SLC17A2: variants seen among roughly 807,000 people sequenced by gnomAD.
The protein encoded by SLC17A2 is sodium-dependent phosphate transport protein 3.
Under a neutral mutation model 52.1 loss-of-function variants are expected in SLC17A2, and 38 were observed. That is an observed-to-expected ratio of 0.73 (90% CI 0.56 to 0.96). The LOEUF is 0.96. SLC17A2 is among the 40% of genes least tolerant of loss of function. The pLI is 0.00. For missense variants in SLC17A2, 508 were observed against 583.9 expected (o/e 0.87, Z 1.34); for synonymous variants, 226 against 211.9 (o/e 1.07, Z -0.58).
intron 2 of SLC17A2, among the ~76,000 whole-genome samples, chr6:25,925,198 T>C (rs1422886222): frequency 1.3e-5 from 2 of 152,048 alleles, no homozygotes; most frequent in Non-Finnish European, 2.9e-5. Context: ...ATAGTAGGGA[T>C]TCATACATAG....
intron 1 of SLC17A2, among the ~76,000 whole-genome samples, chr6:25,928,058 A>G (rs1045534883): frequency 6.6e-6 from 1 of 152,160 alleles, no homozygotes; most frequent in African/African-American, 2.4e-5. Context: ...CTCCAATCTT[A>G]TAAACACTGA....
intron 11 of SLC17A2, among the ~76,000 whole-genome samples, chr6:25,913,891 G>A (rs547580995): frequency 5.1e-4 from 78 of 151,752 alleles, no homozygotes; most frequent in South Asian, 1.0e-3. Flanking sequence ...GGTCTTCTGT[G>A]TGACCCTCCT....
rs1561881339 is a variant in SLC17A2 at position 25,923,912 on chromosome 6, C to T, written c.29-6G>A. ...TAATGAACAGAAATCTGGACCTAGA[C>T]AACAACACAGATGTATGTAGTGAGC... On this transcript the variant is annotated splice_region_variant and splice_polypyrimidine_tract_variant and intron_variant, in intron 2 of 11. Transcript: ENST00000377850. The T allele has an allele frequency of 6.2e-7, 1 of 1,612,074 alleles. No homozygotes were observed. The highest frequency in any genetic ancestry group is 1.1e-5 in the South Asian group (1 of 91,054).
intron 10 of SLC17A2, among the ~76,000 whole-genome samples, chr6:25,915,166 T>TAG (rs1766257266): frequency 1.5e-5 from 2 of 130,672 alleles, no homozygotes; most frequent in East Asian, 2.1e-4. Context: ...TATATATATA[T>TAG]ATATATATAT....
At chr6:25,928,452 A>G (rs1219807920) in intron 1 of SLC17A2, among the ~76,000 whole-genome samples, 1 of 152,182 alleles carries the variant, frequency 6.6e-6, no homozygotes, top group Non-Finnish European at 1.5e-5. Flanking sequence ...CTGGAATTGT[A>G]TCACAAACCC....
chr6:25,928,773 C>A (rs1359266403), intron 1 of SLC17A2, among the ~76,000 whole-genome samples: 2 of 152,056 alleles, frequency 1.3e-5, no homozygotes, highest in Non-Finnish European at 2.9e-5. Context: ...TAATTATTAA[C>A]CTATTTGCAA....
At chr6:25,929,344 C>T (rs1390353898) in intron 1 of SLC17A2, among the ~76,000 whole-genome samples, 2 of 152,132 alleles carry the variant, frequency 1.3e-5, no homozygotes, top group Admixed American at 6.5e-5. Context: ...ATGAGACATG[C>T]CTCGTAAATT....
At chr6:25,925,497 A>G (rs940703361) in intron 2 of SLC17A2, among the ~76,000 whole-genome samples, 4 of 145,054 alleles carry the variant, frequency 2.8e-5, no homozygotes, top group African/African-American at 1.0e-4. Flanking sequence ...TGTGAGACAG[A>G]GCAAGACTCA....
intron 11 of SLC17A2, 130 bp downstream of exon 11, chr6:25,914,450 C>T: frequency 1.5e-6 from 1 of 646,412 alleles, no homozygotes; most frequent in African/African-American, 1.8e-5. Context: ...TCTGACCTAC[C>T]AGAGTCTGAT....
intron 1 of SLC17A2, among the ~76,000 whole-genome samples, chr6:25,926,100 A>AGCC: frequency 6.6e-6 from 1 of 152,326 alleles, no homozygotes; most frequent in Non-Finnish European, 1.5e-5. Context: ...TTCTCTAATC[A>AGCC]TTCATTTCCT....
At chr6:25,924,898 C>A (rs1766702819) in intron 2 of SLC17A2, among the ~76,000 whole-genome samples, 3 of 151,858 alleles carry the variant, frequency 2.0e-5, no homozygotes, top group Admixed American at 6.6e-5. Flanking sequence ...ATTGAAAGGA[C>A]AAATTTTTTC....
intron 1 of SLC17A2, among the ~76,000 whole-genome samples, chr6:25,928,580 G>C (rs770053272): frequency 6.6e-6 from 1 of 152,118 alleles, no homozygotes; most frequent in Non-Finnish European, 1.5e-5. Flanking sequence ...GGTAATTTCA[G>C]TTCTTCGTTT....
rs549271301 is a variant in SLC17A2, at chr6:25,915,627, T to C, written c.1083A>G (p.Ile361Met). Residue 361 changes from isoleucine to methionine, a missense_variant, in exon 10 of 12, where the codon ATA (isoleucine) becomes ATG (methionine). Physicochemically the swap from Ile to Met is conservative, Grantham distance 10. Transcript: ENST00000377850. ...FSSLGLLLPS[I>M]CAVALPFVAS... ...CCACAAAGGGCAGGGCCACAGCACATATTGATGGAAGGAGGAGCCCTGGGC... is the reference window on the plus strand; with the variant it reads ...CCACAAAGGGCAGGGCCACAGCACACATTGATGGAAGGAGGAGCCCTGGGC... The C allele has an allele frequency of 9.3e-6, 15 of 1,613,806 alleles. No individual in the cohort carries two copies. The South Asian group carries it at 1.6e-4, about 18-fold the overall frequency.
chr6:25,924,901 A>AT (rs1766703131), intron 2 of SLC17A2, among the ~76,000 whole-genome samples: 1 of 152,054 alleles, frequency 6.6e-6, no homozygotes, highest in East Asian at 1.9e-4. Flanking sequence ...GAAAGGACAA[A>AT]TTTTTTCTTT....
Position 25,917,071 on chromosome 6 carries a change from GAC to G in SLC17A2, c.664_665del (p.Val222LeufsTer11), listed in dbSNP as rs777093140. On this transcript the variant is annotated frameshift_variant, in exon 7 of 12. Coordinates refer to ENST00000377850, the MANE Select transcript of SLC17A2 (RefSeq NM_001286123.3). LOFTEE classifies it high-confidence loss of function. ...TCACTGTGAACCATAGGAGACAGCA[GAC>G]ACAGCCAGTGCTACCTGGGAAGAAG... is the stretch of plus-strand genomic sequence containing the variant. ...IFYIFGSTGC[V>X]CCLLWFTVIY... The G allele has an allele frequency of 1.2e-6, 2 of 1,613,776 alleles. No homozygotes were observed. Among genetic ancestry groups the G allele is most frequent in the Non-Finnish European group, 1.7e-6 (2 of 1,179,700 alleles).
intron 1 of SLC17A2, among the ~76,000 whole-genome samples, chr6:25,927,834 C>T (rs2151560809): frequency 6.6e-6 from 1 of 152,256 alleles, no homozygotes; most frequent in South Asian, 2.1e-4. Flanking sequence ...AGAAGGCCTC[C>T]AAGTCTTGCT....
intron 3 of SLC17A2, among the ~76,000 whole-genome samples, chr6:25,922,068 T>C (rs547526856): frequency 6.6e-6 from 1 of 150,760 alleles, no homozygotes; most frequent in East Asian, 1.9e-4. Flanking sequence ...TAAAATAAAA[T>C]AAAAAATAAA....
In SLC17A2 at chr6:25,923,649, A is replaced by G; in HGVS notation, c.240+46T>C. 5.5e-6 allele frequency: 8 copies of G among 1,463,986 alleles called. 1 individual carries two copies. The highest frequency in any genetic ancestry group is 7.7e-6 in the Non-Finnish European group (8 of 1,045,344). 90.7% of individuals were successfully genotyped at this position (1,463,986 alleles called of 1,614,324 possible). A position where few individuals can be genotyped will look rare whatever the true frequency, so the allele number is the denominator to read the frequency against. On this transcript the variant is annotated intron_variant, in intron 3 of 11. Transcript: ENST00000377850. ...GAATCAAGATCTATGCCTTCCTTTC[A>G]AAGTTTTTTCTCTCAACAAAGAGCC...
At chr6:25,917,503 G>A (rs1307033147) in intron 6 of SLC17A2, among the ~76,000 whole-genome samples, 1 of 152,180 alleles carries the variant, frequency 6.6e-6, no homozygotes, top group Non-Finnish European at 1.5e-5. Context: ...AAATCATGTG[G>A]CAGGGAAAAA....
Sources: gnomAD v4.1 joint callset for allele counts (sites outside exome capture counted in the v4.1 genomes callset) on GRCh38, gnomAD v4.1.1 for gene constraint, MANE v1.5 for transcripts, NCBI Gene and HGNC (gene_info 2026-07-23, HGNC 2026-07-21) for gene names.